The following HSPBAP1 variants were observed in gnomAD, a reference collection of about 807,000 sequenced individuals.
The protein encoded by HSPBAP1 is HSPB1 associated protein 1, also known as HSPB1-associated protein 1.
A neutral mutation model predicts 45.2 loss-of-function variants in HSPBAP1; 27 were observed. The ratio of observed to expected loss-of-function variants is 0.60; its 90% CI spans 0.44 to 0.82. The LOEUF (loss-of-function observed/expected upper bound fraction) is 0.82, where lower values mean the gene tolerates loss of function less well. Among genes scored for constraint, HSPBAP1 ranks in the 40% least tolerant of loss-of-function variants. The pLI is 0.00. For missense variants in HSPBAP1, 510 were observed against 590.9 expected (o/e 0.86, Z 1.42); for synonymous variants, 204 against 202.7 (o/e 1.01, Z -0.06).
chr3:122,740,594 T>G lies in HSPBAP1; in HGVS notation c.1218A>C (p.Arg406Ser). 2 of 1,614,232 alleles carry G rather than the reference T, an allele frequency of 1.2e-6. No individual in the cohort carries two copies. The highest frequency in any genetic ancestry group is 1.7e-6 in the Non-Finnish European group (2 of 1,180,042). ...TCCCATCACTTCCAAATATGCCTCC[T>G]CTTTCTGAAGGCGGTTCTTCGGACC... Reference protein sequence around the residue: ...AQRSEEPPSERGGIFGSDGKD... With the variant: ...AQRSEEPPSESGGIFGSDGKD... Residue 406 changes from arginine (R) to serine (S), a missense_variant, in exon 8 of 8, where the codon AGA becomes AGC. Arg to Ser is a moderately radical substitution (Grantham distance 110, BLOSUM62 -1). Transcript: ENST00000306103.
At chr3:122,779,671 T>C (rs1374741079) in intron 1 of HSPBAP1, among the ~76,000 whole-genome samples, 2 of 149,836 alleles carry the variant, frequency 1.3e-5, no homozygotes, top group African/African-American at 4.9e-5. Context: ...GCAGTGTTTG[T>C]GTCCCTGATT....
chr3:122,774,606 A>G (rs1935124233), intron 2 of HSPBAP1, among the ~76,000 whole-genome samples: 1 of 152,222 alleles, frequency 6.6e-6, no homozygotes, highest in Non-Finnish European at 1.5e-5. Flanking sequence ...TGTTTTCCTA[A>G]AAGTCATCTC....
At position 122,789,658 on chromosome 3, in the gene HSPBAP1, C is replaced by T. The variant is rs557887014; in HGVS notation, c.64+3959G>A. On this transcript the variant is annotated intron_variant, in intron 1 of 7. Coordinates refer to ENST00000306103, the MANE Select transcript of HSPBAP1 (RefSeq NM_024610.6). ...CTTTCAAATAACTGTATAAGAATAC[C>T]TGATTTTTAGCAATGTATAAAACTT... Among the ~76,000 whole-genome samples, 17 of 152,190 alleles carry T rather than the reference C, an allele frequency of 1.1e-4. No homozygotes were observed. In the South Asian group the frequency reaches 3.5e-3, roughly 32 times the overall value.
intron 1 of HSPBAP1, among the ~76,000 whole-genome samples, chr3:122,781,108 C>A (rs1418004855): frequency 6.9e-6 from 1 of 145,580 alleles, no homozygotes; most frequent in African/African-American, 2.6e-5. Flanking sequence ...ACATCCCAGA[C>A]GATGGGCGGC....
At chr3:122,747,022 G>A (rs376280367) in intron 6 of HSPBAP1, among the ~76,000 whole-genome samples, 7 of 150,604 alleles carry the variant, frequency 4.6e-5, no homozygotes, top group African/African-American at 1.2e-4. Flanking sequence ...CCTCCCAGCC[G>A]CCTGCCTTGG....
At chr3:122,750,103 T>TTAC (rs1470416578) in intron 6 of HSPBAP1, among the ~76,000 whole-genome samples, 13 of 151,270 alleles carry the variant, frequency 8.6e-5, no homozygotes, top group African/African-American at 9.7e-5. Context: ...GCCTCCCGAA[T>TTAC]AGCCGGGATT....
intron 2 of HSPBAP1, among the ~76,000 whole-genome samples, chr3:122,772,876 A>G (rs1397198673): frequency 2.0e-5 from 3 of 152,090 alleles, no homozygotes; most frequent in Non-Finnish European, 4.4e-5. Context: ...TTTTATTTCT[A>G]GAGGCAGGGT....
intron 2 of HSPBAP1, among the ~76,000 whole-genome samples, chr3:122,771,418 A>T (rs1440109939): frequency 1.3e-5 from 2 of 152,200 alleles, no homozygotes; most frequent in Non-Finnish European, 2.9e-5. Context: ...GTAAAGTGCT[A>T]GGTAAGAAGC....
intron 6 of HSPBAP1, among the ~76,000 whole-genome samples, chr3:122,748,105 CAT>C (rs1192974735): frequency 1.3e-5 from 2 of 152,222 alleles, no homozygotes; most frequent in Non-Finnish European, 2.9e-5. Flanking sequence ...CTCTCTGAAA[CAT>C]GTGCTGTGTC....
intron 2 of HSPBAP1, among the ~76,000 whole-genome samples, chr3:122,769,509 T>C (rs2107523890): frequency 6.6e-6 from 1 of 152,320 alleles, no homozygotes; most frequent in Non-Finnish European, 1.5e-5. Flanking sequence ...TCTAAAAGAA[T>C]GATGAAATTA....
intron 6 of HSPBAP1, among the ~76,000 whole-genome samples, chr3:122,741,937 G>A (rs1279890662): frequency 6.6e-6 from 1 of 151,968 alleles, no homozygotes; most frequent in African/African-American, 2.4e-5. Context: ...AACTGATAGA[G>A]ACATTTGGAA....
At chr3:122,789,091 T>C (rs1467734033) in intron 1 of HSPBAP1, among the ~76,000 whole-genome samples, 1 of 152,244 alleles carries the variant, frequency 6.6e-6, no homozygotes, top group African/African-American at 2.4e-5. Context: ...CACAGACTTT[T>C]GCTTTTCTTT....
intron 1 of HSPBAP1, among the ~76,000 whole-genome samples, chr3:122,785,995 T>C (rs528021652): frequency 2.6e-5 from 4 of 152,102 alleles, no homozygotes; most frequent in Non-Finnish European, 5.9e-5. Flanking sequence ...AAAGCAGACA[T>C]GATGATTAGC....
Position 122,743,729 on chromosome 3 carries a change from T to G in HSPBAP1, c.826-2616A>C, listed in dbSNP as rs1933751955. ...ATATGTGTGCATATGTGTACAGAGA[T>G]AAGACAGATGGATAGATGGACAGAT... is the stretch of plus-strand genomic sequence containing the variant. On this transcript the variant is annotated intron_variant, in intron 6 of 7. Transcript: ENST00000306103. 3.3e-5 allele frequency among the ~76,000 whole-genome samples: 5 copies of G among 152,358 alleles called. No individual in the cohort carries two copies. The South Asian group carries it at 1.0e-3, about 32-fold the overall frequency.
rs148879243 is a variant in HSPBAP1, at chr3:122,755,426, C to T, written c.575G>A (p.Arg192Gln). The T allele has an allele frequency of 5.4e-5, 74 of 1,362,972 alleles. No individual in the cohort carries two copies. The African/African-American group carries it at 9.4e-4, about 17-fold the overall frequency. The allele number at this position is 1,362,972 out of a possible 1,614,324, so 84.4% of individuals were successfully genotyped here. The change falls in exon 5 of 8, where the codon CGA (arginine) becomes CAA (glutamine). Residue 192 changes from arginine to glutamine, a missense_variant. Physicochemically the swap from Arg to Gln is conservative, Grantham distance 43. Coordinates refer to ENST00000306103, the MANE Select transcript of HSPBAP1 (RefSeq NM_024610.6). Reference sequence around the variant, plus strand: ...ATCTTCAGGAGGAAAGAGATGCCATCGTTTCCTAATTAAAAAAAAAAAAAA... The same window carrying T: ...ATCTTCAGGAGGAAAGAGATGCCATTGTTTCCTAATTAAAAAAAAAAAAAA... ...NLVFQVQGRK[R>Q]WHLFPPEDTP...
chr3:122,785,786 G>A (rs1935632850), intron 1 of HSPBAP1, among the ~76,000 whole-genome samples: 1 of 152,088 alleles, frequency 6.6e-6, no homozygotes, highest in African/African-American at 2.4e-5. Flanking sequence ...TGGGCAACAG[G>A]ACTGACTGAA....
chr3:122,758,699 A>G, intron 4 of HSPBAP1: 1 of 453,308 alleles, frequency 2.2e-6, no homozygotes, highest in Non-Finnish European at 4.4e-6. Flanking sequence ...TTGAGGCCAT[A>G]CTTGGGCAAC....
At chr3:122,768,031 G>A (rs543917702) in intron 3 of HSPBAP1, among the ~76,000 whole-genome samples, 1 of 152,280 alleles carries the variant, frequency 6.6e-6, no homozygotes, top group East Asian at 1.9e-4. Flanking sequence ...CAAGAGCAGG[G>A]AGTTTGCAAA....
At chr3:122,746,923 G>T in intron 6 of HSPBAP1, among the ~76,000 whole-genome samples, 1 of 151,908 alleles carries the variant, frequency 6.6e-6, no homozygotes, top group East Asian at 1.9e-4. Context: ...CCGAGGTGCT[G>T]GGATTGCAGA....
Sources: allele counts gnomAD v4.1 joint callset (sites outside exome capture counted in the v4.1 genomes callset), GRCh38; gene constraint gnomAD v4.1.1; transcripts MANE v1.5; gene names NCBI Gene and HGNC (gene_info 2026-07-23, HGNC 2026-07-21).